LRCH2: variants seen among roughly 807,000 people sequenced by gnomAD.
LRCH2 encodes the protein leucine-rich repeat and calponin homology domain-containing protein 2.
Under a neutral mutation model 68.9 loss-of-function variants are expected in LRCH2, and 38 were observed. That is an observed-to-expected ratio of 0.55 (90% CI 0.43 to 0.72). LRCH2 has a LOEUF of 0.72. LRCH2 is among the 30% of genes least tolerant of loss of function. LRCH2 has a pLI of 0.00. For synonymous variants in LRCH2, 191 were observed against 208.1 expected (o/e 0.92, Z 0.71); for missense variants, 528 against 572.9 (o/e 0.92, Z 0.80).
chrX:115,116,533 G>A (rs949842307), intron 20 of LRCH2, among the ~76,000 whole-genome samples: 3 of 111,129 alleles, frequency 2.7e-5, no homozygotes, highest in Admixed American at 9.6e-5. Flanking sequence ...GAAGGACTGC[G>A]AATGGGCAAG....
At chrX:115,158,199 T>TCATG (rs1193121378) in intron 11 of LRCH2, among the ~76,000 whole-genome samples, 1 of 111,907 alleles carries the variant, frequency 8.9e-6, no homozygotes, top group East Asian at 2.8e-4. Flanking sequence ...ATACCTTGAT[T>TCATG]CATGTCCTGC....
chrX:115,161,976 G>A (rs1556542010), intron 11 of LRCH2, among the ~76,000 whole-genome samples: 1 of 93,132 alleles, frequency 1.1e-5, no homozygotes, highest in Non-Finnish European at 2.0e-5. Flanking sequence ...CTGGAGTGCA[G>A]TGGCATGATC....
chrX:115,199,815 G>C (rs1474120996), intron 1 of LRCH2, among the ~76,000 whole-genome samples: 2 of 112,268 alleles, frequency 1.8e-5, no homozygotes, highest in African/African-American at 6.5e-5. Flanking sequence ...CAAATTTACA[G>C]AACATTCTGC....
rs1389742363 is a variant in LRCH2, at chrX:115,234,011, T to C, written c.31A>G (p.Ser11Gly). The change falls in exon 1 of 21, where the codon AGT becomes GGT. Residue 11 changes from serine (S) to glycine (G), a missense_variant. Physicochemically the swap from Ser to Gly is moderately conservative, Grantham distance 56. Coordinates refer to ENST00000317135, the MANE Select transcript of LRCH2 (RefSeq NM_020871.4). ...CCTCCACCACAACCGCCGCCCCCAC[T>C]GTTACCGCCTCCTCCCTGACTCGCC... Reference protein sequence around the residue: MAASQGGGGNSGGGGCGGGGS... With the variant: MAASQGGGGNGGGGGCGGGGS... 3 of 1,160,298 alleles carry C rather than the reference T, an allele frequency of 2.6e-6. No individual in the cohort carries two copies. The highest frequency in any genetic ancestry group is 3.4e-6 in the Non-Finnish European group (3 of 870,572).
intron 1 of LRCH2, among the ~76,000 whole-genome samples, chrX:115,228,722 T>C (rs1006243638): frequency 8.1e-5 from 9 of 111,322 alleles, no homozygotes; most frequent in South Asian, 3.8e-4. Context: ...TAAGCAAAAG[T>C]ATTCCACTAA....
In LRCH2 at chrX:115,130,153, A is replaced by G. The variant is rs1556529459; in HGVS notation, c.1740+2T>C. The stretch of plus-strand genomic sequence containing the variant: ...ATAATTATTAATATTATCTTTTCTC[A>G]CCTCATCATTTTCATTGCCACTTGA... On this transcript the variant is annotated splice_donor_variant, in intron 15 of 20. Coordinates refer to ENST00000317135, the MANE Select transcript of LRCH2 (RefSeq NM_020871.4). LOFTEE classifies it high-confidence loss of function. 4 of 1,018,839 alleles carry G rather than the reference A, an allele frequency of 3.9e-6. No homozygotes were observed. The highest frequency in any genetic ancestry group is 5.4e-6 in the Non-Finnish European group (4 of 745,993). 84.0% of individuals were successfully genotyped at this position (1,018,839 alleles called of 1,213,427 possible). A position where few individuals can be genotyped will look rare whatever the true frequency, so the allele number is the denominator to read the frequency against.
At chrX:115,136,966 T>C (rs1556532244) in intron 14 of LRCH2, among the ~76,000 whole-genome samples, 1 of 112,314 alleles carries the variant, frequency 8.9e-6, no homozygotes, top group African/African-American at 3.2e-5. Flanking sequence ...ACTTGTGATA[T>C]TGTGATACAT....
At chrX:115,204,043 G>T (rs980649954) in intron 1 of LRCH2, among the ~76,000 whole-genome samples, 1 of 112,974 alleles carries the variant, frequency 8.9e-6, no homozygotes, top group Admixed American at 9.3e-5. Flanking sequence ...TCCAGGCAGA[G>T]GTTCCCAAAC....
intron 1 of LRCH2, among the ~76,000 whole-genome samples, chrX:115,212,341 C>T (rs1467677806): frequency 8.9e-6 from 1 of 112,155 alleles, no homozygotes; most frequent in African/African-American, 3.2e-5. Flanking sequence ...GAACCCAAAT[C>T]TTTTATCATA....
At chrX:115,163,542 A>T in intron 11 of LRCH2, 134 bp downstream of exon 11, 1 of 402,123 alleles carries the variant, frequency 2.5e-6, no homozygotes, top group Non-Finnish European at 4.2e-6. Context: ...CTCAATCTGT[A>T]GTTAGTCCCT....
At chrX:115,129,867 TAA>T (rs2072228277) in intron 15 of LRCH2, among the ~76,000 whole-genome samples, 1 of 111,175 alleles carries the variant, frequency 9.0e-6, no homozygotes, top group South Asian at 3.8e-4. Context: ...TTTAGAAAGA[TAA>T]AAGATGTGAA....
rs1254519127 is a variant in LRCH2 at position 115,217,393 on chromosome X, A to C, written c.349+16300T>G. On this transcript the variant is annotated intron_variant, in intron 1 of 20. Transcript: ENST00000317135. The stretch of plus-strand genomic sequence containing the variant: ...TCCCTCCCCTGGCCTCCCACCCCAC[A>C]ACAGGCCCCAGTGTGTGATGTTCCC... 2.7e-5 allele frequency among the ~76,000 whole-genome samples: 3 copies of C among 109,949 alleles called. No homozygotes were observed. In the Admixed American group the frequency reaches 2.9e-4, roughly 11 times the overall value.
At chrX:115,188,573 G>A (rs782136721) in intron 1 of LRCH2, among the ~76,000 whole-genome samples, 1 of 112,376 alleles carries the variant, frequency 8.9e-6, no homozygotes, top group East Asian at 2.8e-4. Flanking sequence ...GCTCACATCT[G>A]TAATACCAGC....
intron 11 of LRCH2, among the ~76,000 whole-genome samples, chrX:115,163,348 G>A (rs1157914840): frequency 9.0e-6 from 1 of 111,127 alleles, no homozygotes; most frequent in Non-Finnish European, 1.9e-5. Context: ...CACACACACA[G>A]GAATAAAAAA....
At chrX:115,226,479 T>C (rs1048706051) in intron 1 of LRCH2, among the ~76,000 whole-genome samples, 10 of 111,240 alleles carry the variant, frequency 9.0e-5, no homozygotes, top group African/African-American at 3.3e-4. Flanking sequence ...ATGGTTTAGC[T>C]ACAGTGTGGA....
At position 115,191,053 on chromosome X, in the gene LRCH2, A is replaced by T. The variant is rs145295558; in HGVS notation, c.350-2683T>A. 1.0e-3 allele frequency: 1,205 copies of T among 1,162,552 alleles called. 4 individuals are homozygous for T. The African/African-American group carries it at 0.02, about 19-fold the overall frequency. On this transcript the variant is annotated intron_variant, in intron 1 of 20. Transcript: ENST00000317135. ...CCACAGTGGGGGCCACAGCAGTTCCAGCAACAGTTACGGCCAGAGCCACCG... is the reference window on the plus strand; with the variant it reads ...CCACAGTGGGGGCCACAGCAGTTCCTGCAACAGTTACGGCCAGAGCCACCG...
At position 115,179,647 on chromosome X, in the gene LRCH2, A is replaced by T. The variant is rs781977530; in HGVS notation, c.726T>A (p.Asp242Glu). 2 of 1,125,831 alleles carry T rather than the reference A, an allele frequency of 1.8e-6. No homozygotes were observed. The highest frequency in any genetic ancestry group is 3.2e-5 in the East Asian group (1 of 31,219). The allele number at this position is 1,125,831 out of a possible 1,213,427, so 92.8% of individuals were successfully genotyped here. The change falls in exon 4 of 21, where the codon GAT becomes GAA. Residue 242 changes from aspartate to glutamate, a missense_variant and splice_region_variant. Asp to Glu is a conservative substitution (Grantham distance 45). Transcript: ENST00000317135. ...GAGTAAAAACAGTGAACATCTTACC[A>T]TCTGGCAAAACATGAAGATTATTTC... The part of the protein sequence containing the change: ...IRRNNLHVLP[D>E]ELGDLPLVKL...
At chrX:115,223,113 T>C (rs1489308123) in intron 1 of LRCH2, among the ~76,000 whole-genome samples, 1 of 111,616 alleles carries the variant, frequency 9.0e-6, no homozygotes, top group Non-Finnish European at 1.9e-5. Context: ...AAAATGGTGC[T>C]AGGACAACTA....
intron 20 of LRCH2, among the ~76,000 whole-genome samples, chrX:115,121,384 G>A (rs188285667): frequency 4.7e-4 from 52 of 111,706 alleles, no homozygotes; most frequent in Admixed American, 2.4e-3. Flanking sequence ...AAGCACAGTG[G>A]CTTGTGCCTG....
Sources: allele counts gnomAD v4.1 joint callset (sites outside exome capture counted in the v4.1 genomes callset), GRCh38; gene constraint gnomAD v4.1.1; transcripts MANE v1.5; gene names NCBI Gene and HGNC (gene_info 2026-07-23, HGNC 2026-07-21).